The following SEMA3E variants were observed in gnomAD, a reference collection of about 807,000 sequenced individuals.
SEMA3E encodes the protein semaphorin-3E.
Under a neutral mutation model 93.6 loss-of-function variants are expected in SEMA3E, and 49 were observed. The observed-to-expected ratio is 0.52, with a 90% CI of 0.42 to 0.66. The LOEUF (loss-of-function observed/expected upper bound fraction) is 0.66. Among genes scored for constraint, SEMA3E ranks in the 30% least tolerant of loss-of-function variants. The probability of loss-of-function intolerance (pLI) is 0.00; values close to 1 mark genes in which losing one functional copy is unlikely to be tolerated. For missense variants in SEMA3E, 906 were observed against 964.8 expected (o/e 0.94, Z 0.81); for synonymous variants, 363 against 330.7 (o/e 1.10, Z -1.06).
intron 5 of SEMA3E, among the ~76,000 whole-genome samples, chr7:83,410,384 A>G (rs891518985): frequency 6.6e-6 from 1 of 152,004 alleles, no homozygotes; most frequent in African/African-American, 2.4e-5. Context: ...TAGTATATTC[A>G]ACTTACGCTA....
rs185761590 is a variant in SEMA3E, at chr7:83,600,669, C to T, written c.115+47759G>A. Among the ~76,000 whole-genome samples, 135 of 151,600 alleles carry T rather than the reference C, an allele frequency of 8.9e-4. 1 individual carries two copies. Among genetic ancestry groups the T allele is most frequent in the African/African-American group, 2.9e-3 (119 of 41,354 alleles). ...GCCGAAATATTAATTCTTATAAGCA[C>T]GGCAGAATCTCAAGAAACTTTAAGA... is the stretch of plus-strand genomic sequence containing the variant. On this transcript the variant is annotated intron_variant, in intron 1 of 16. Coordinates refer to ENST00000643230, the MANE Select transcript of SEMA3E (RefSeq NM_012431.3).
Position 83,364,344 on chromosome 7 carries a change from C to T in SEMA3E, c.*3242G>A, listed in dbSNP as rs907417805. The T allele has an allele frequency of 6.6e-6, 1 of 152,210 alleles. No individual in the cohort carries two copies. Among genetic ancestry groups the T allele is most frequent in the South Asian group, 2.1e-4 (1 of 4,826 alleles). 9.4% of individuals were successfully genotyped at this position (152,210 alleles called of 1,614,324 possible). On this transcript the variant is annotated 3_prime_UTR_variant, in exon 17 of 17. Coordinates refer to ENST00000643230, the MANE Select transcript of SEMA3E (RefSeq NM_012431.3). ...CCTAAAACCTATAGCAAATATCGAA[C>T]ACTCATTACAAACATTCTAAGTATT...
chr7:83,618,372 C>T (rs748785547), intron 1 of SEMA3E, among the ~76,000 whole-genome samples: 4 of 151,948 alleles, frequency 2.6e-5, no homozygotes, highest in Admixed American at 6.6e-5. Context: ...CAGCTAGTTG[C>T]CTTTGTGTAA....
chr7:83,412,901 G>T (rs1007450970), intron 5 of SEMA3E, among the ~76,000 whole-genome samples: 2 of 151,900 alleles, frequency 1.3e-5, no homozygotes, highest in African/African-American at 4.8e-5. Context: ...AGGGCCTTAC[G>T]TTATTAATTT....
At chr7:83,410,079 TA>T (rs1788409330) in intron 5 of SEMA3E, among the ~76,000 whole-genome samples, 1 of 151,748 alleles carries the variant, frequency 6.6e-6, no homozygotes, top group Admixed American at 6.6e-5. Flanking sequence ...TTTTTCATTT[TA>T]AAAAGATAAA....
chr7:83,648,393 T>C, intron 1 of SEMA3E, 35 bp downstream of exon 1: 1 of 1,437,028 alleles, frequency 7.0e-7, no homozygotes, highest in Non-Finnish European at 9.7e-7. Flanking sequence ...CTTTTTTTTT[T>C]TTTTTAAACA....
chr7:83,425,973 A>G (rs559074389), intron 4 of SEMA3E, among the ~76,000 whole-genome samples: 3 of 152,254 alleles, frequency 2.0e-5, no homozygotes, highest in Admixed American at 6.5e-5. Context: ...TATGAAAAAA[A>G]GCTCCACATC....
intron 1 of SEMA3E, among the ~76,000 whole-genome samples, chr7:83,529,882 T>C (rs917538001): frequency 6.6e-6 from 1 of 152,162 alleles, no homozygotes; most frequent in African/African-American, 2.4e-5. Context: ...CCCAAATCTT[T>C]ATATCGGATT....
intron 4 of SEMA3E, among the ~76,000 whole-genome samples, chr7:83,448,616 T>G: frequency 6.6e-6 from 1 of 152,354 alleles, no homozygotes; most frequent in East Asian, 1.9e-4. Flanking sequence ...TCTTTAGAGT[T>G]ACATAATTTT....
Position 83,367,583 on chromosome 7 carries a change from C to A in SEMA3E, c.*3G>T. 1 of 1,613,858 alleles carries A rather than the reference C, an allele frequency of 6.2e-7. No individual in the cohort carries two copies. The highest frequency in any genetic ancestry group is 8.5e-7 in the Non-Finnish European group (1 of 1,179,798). ...TCAAAAGACAGTAGATAGTCTCACCCCATCAGGAGTCCAGCGTGTGCCTGG... is the reference window on the plus strand; with the variant it reads ...TCAAAAGACAGTAGATAGTCTCACCACATCAGGAGTCCAGCGTGTGCCTGG... On this transcript the variant is annotated 3_prime_UTR_variant, in exon 17 of 17. Coordinates refer to ENST00000643230, the MANE Select transcript of SEMA3E (RefSeq NM_012431.3).
Position 83,559,264 on chromosome 7 carries a change from G to T in SEMA3E, c.116-68990C>A, listed in dbSNP as rs910714057. Among the ~76,000 whole-genome samples the T allele has an allele frequency of 5.3e-5, 8 of 152,162 alleles. No homozygotes were observed. In the East Asian group the frequency reaches 1.5e-3, roughly 29 times the overall value. On this transcript the variant is annotated intron_variant, in intron 1 of 16. Coordinates refer to ENST00000643230, the MANE Select transcript of SEMA3E (RefSeq NM_012431.3). ...AAATGGTATTTGACAAGATTGAAAGGTGATATATACAAGGCTCCAGCATTG... is the reference window on the plus strand; with the variant it reads ...AAATGGTATTTGACAAGATTGAAAGTTGATATATACAAGGCTCCAGCATTG...
At chr7:83,368,830 T>C (rs1222373966) in intron 16 of SEMA3E, among the ~76,000 whole-genome samples, 2 of 152,248 alleles carry the variant, frequency 1.3e-5, no homozygotes, top group Non-Finnish European at 2.9e-5. Context: ...GCTCATGTTT[T>C]ATCACAAATA....
chr7:83,401,082 TTG>T (rs1300224240), intron 10 of SEMA3E, among the ~76,000 whole-genome samples: 1 of 152,272 alleles, frequency 6.6e-6, no homozygotes, highest in African/African-American at 2.4e-5. Flanking sequence ...CTACGTGAAT[TTG>T]TATTTTTAAT....
intron 1 of SEMA3E, among the ~76,000 whole-genome samples, chr7:83,551,858 A>G (rs552004784): frequency 3.9e-5 from 6 of 152,280 alleles, no homozygotes; most frequent in South Asian, 2.1e-4. Context: ...CTAGTTGCCA[A>G]TAGAAAGCTC....
At chr7:83,413,148 T>C (rs1788474728) in intron 5 of SEMA3E, among the ~76,000 whole-genome samples, 2 of 152,210 alleles carry the variant, frequency 1.3e-5, no homozygotes, top group Admixed American at 6.5e-5. Flanking sequence ...ATGTGAACTC[T>C]AGTTGAAGTT....
rs3757616 is a variant in SEMA3E, at chr7:83,586,620, A to G, written c.115+61808T>C. 2.2e-4 allele frequency among the ~76,000 whole-genome samples: 34 copies of G among 151,860 alleles called. No homozygotes were observed. The East Asian group carries it at 6.5e-3, about 29-fold the overall frequency. The stretch of plus-strand genomic sequence containing the variant: ...AGCAGCCAAAGGGATTTGGCACGCT[A>G]TTTTAATCAGTAAGACTCTCTCTTT... On this transcript the variant is annotated intron_variant, in intron 1 of 16. Coordinates refer to ENST00000643230, the MANE Select transcript of SEMA3E (RefSeq NM_012431.3).
chr7:83,617,907 C>T (rs1793414543), intron 1 of SEMA3E, among the ~76,000 whole-genome samples: 1 of 151,978 alleles, frequency 6.6e-6, no homozygotes, highest in Middle Eastern at 3.2e-3. Flanking sequence ...CTGTCCATTG[C>T]TCCTAAATAA....
intron 2 of SEMA3E, 27 bp from the exon 3 acceptor site, chr7:83,469,329 T>C (rs768038461): frequency 3.4e-6 from 5 of 1,481,120 alleles, no homozygotes; most frequent in South Asian, 1.1e-5. Context: ...TGTACTATTA[T>C]GACAACTGCA....
chr7:83,371,382 A>T (rs1391443244), intron 16 of SEMA3E: 1 of 152,208 alleles, frequency 6.6e-6, no homozygotes, highest in Admixed American at 6.5e-5. Context: ...TACAGGCAGA[A>T]AGTGTTATAC....
Sources: gnomAD v4.1 joint callset for allele counts (sites outside exome capture counted in the v4.1 genomes callset) on GRCh38, gnomAD v4.1.1 for gene constraint, MANE v1.5 for transcripts, NCBI Gene and HGNC (gene_info 2026-07-23, HGNC 2026-07-21) for gene names.